The following BAZ2B variants were observed in gnomAD, a reference collection of about 807,000 sequenced individuals.
BAZ2B encodes bromodomain adjacent to zinc finger domain 2B, also known as bromodomain adjacent to zinc finger domain protein 2B.
A neutral mutation model predicts 246.0 loss-of-function variants in BAZ2B; 91 were observed. The observed-to-expected ratio is 0.37, with a 90% CI of 0.31 to 0.44. The LOEUF is 0.44. Ranked by LOEUF, BAZ2B falls within the 20% of genes least tolerant of loss-of-function variation. The probability of loss-of-function intolerance (pLI) is 1.00; values close to 1 mark genes in which losing one functional copy is unlikely to be tolerated. For missense variants in BAZ2B, 2,332 were observed against 2,533.7 expected, an observed-to-expected ratio of 0.92 and a Z score of 1.71; for synonymous variants, 855 against 860.0, an observed-to-expected ratio of 0.99 and a Z score of 0.10.
At chr2:159,701,680 T>C in the BAZ2B span, among the ~76,000 whole-genome samples, 2 of 148,110 alleles carry the variant, frequency 1.4e-5, no homozygotes, top group East Asian at 1.9e-4. Context: ...ATATTTTATA[T>C]TGTATTATAT....
rs1336495837 is a variant in BAZ2B at position 159,412,515 on chromosome 2, C to T, written c.2497G>A (p.Asp833Asn). The change falls in exon 14 of 37, where the codon GAT becomes AAT. Residue 833 changes from aspartate (D) to asparagine (N), a missense_variant. Asp to Asn is a conservative substitution (Grantham distance 23). Coordinates refer to ENST00000392783, the MANE Select transcript of BAZ2B (RefSeq NM_013450.4). ...GMQWCLLKEE[D>N]VIPRIRAMEG... is the part of the protein sequence containing the mutation. ...ATTGCCCTGATACGAGGAATGACATCCTCTTCTTTCAAAAGACACCACTGC... is the reference window on the plus strand; with the variant it reads ...ATTGCCCTGATACGAGGAATGACATTCTCTTCTTTCAAAAGACACCACTGC... 3 of 1,613,972 alleles carry T rather than the reference C, an allele frequency of 1.9e-6. No homozygotes were observed. The highest frequency in any genetic ancestry group is 2.5e-6 in the Non-Finnish European group (3 of 1,179,940).
At chr2:159,351,190 C>T (rs1370726262) in intron 27 of BAZ2B, among the ~76,000 whole-genome samples, 3 of 152,070 alleles carry the variant, frequency 2.0e-5, no homozygotes, top group Non-Finnish European at 2.9e-5. Context: ...TACATACACA[C>T]TTAAATCCAC....
intron 1 of BAZ2B, among the ~76,000 whole-genome samples, chr2:159,576,980 C>T (rs1357526025): frequency 6.6e-6 from 1 of 151,592 alleles, no homozygotes. Flanking sequence ...ATTCTCAGCC[C>T]TTTGGGAGAA....
At chr2:159,584,127 GT>G (rs34885086) in intron 1 of BAZ2B, among the ~76,000 whole-genome samples, 60,323 of 146,062 alleles carry the variant, frequency 0.41, 12,494 homozygotes, top group African/African-American at 0.51. Flanking sequence ...CTGATTTAGG[GT>G]TTTTTTTTTT....
chr2:159,621,566 A>C (rs2151860094), upstream of BAZ2B, among the ~76,000 whole-genome samples: 1 of 152,358 alleles, frequency 6.6e-6, no homozygotes, highest in Non-Finnish European at 1.5e-5. Flanking sequence ...CATGAATAAA[A>C]AACCAATAAA....
intron 13 of BAZ2B, among the ~76,000 whole-genome samples, chr2:159,426,219 A>C (rs2069832528): frequency 6.6e-6 from 1 of 152,202 alleles, no homozygotes; most frequent in Admixed American, 6.5e-5. Flanking sequence ...GTCAAGGAAC[A>C]TTCTACTCTG....
chr2:159,332,770 ATT>A (rs2064996800), intron 33 of BAZ2B, 84 bp from the exon 34 acceptor site: 3 of 1,442,752 alleles, frequency 2.1e-6, no homozygotes, highest in Admixed American at 3.8e-5. Flanking sequence ...ATAATTCCTA[ATT>A]TATATTAGTA....
the BAZ2B span, among the ~76,000 whole-genome samples, chr2:159,641,033 A>G: frequency 2.0e-5 from 3 of 152,166 alleles, no homozygotes; most frequent in African/African-American, 7.2e-5. Flanking sequence ...TCAGAGATGA[A>G]AAAGGAGACA....
At position 159,400,969 on chromosome 2, in the gene BAZ2B, A is replaced by G. The variant is rs559033452; in HGVS notation, c.2833-305T>C. Among the ~76,000 whole-genome samples the G allele has an allele frequency of 1.1e-4, 16 of 152,210 alleles. No individual in the cohort carries two copies. The East Asian group carries it at 1.2e-3, about 11-fold the overall frequency. Reference sequence around the variant, plus strand: ...TGAGGCAGGAGAATGGCGTGAACCCAGGAGGTGGAGCTTGCAGTCAGCCAA... The same window carrying G: ...TGAGGCAGGAGAATGGCGTGAACCCGGGAGGTGGAGCTTGCAGTCAGCCAA... On this transcript the variant is annotated intron_variant, in intron 16 of 36. Transcript: ENST00000392783.
intron 19 of BAZ2B, among the ~76,000 whole-genome samples, chr2:159,396,738 T>C (rs2149685833): frequency 6.6e-6 from 1 of 152,292 alleles, no homozygotes; most frequent in South Asian, 2.1e-4. Flanking sequence ...TCCCACTGTA[T>C]TCAATGGCAG....
chr2:159,572,091 T>C (rs888316988), intron 1 of BAZ2B, among the ~76,000 whole-genome samples: 3 of 152,194 alleles, frequency 2.0e-5, no homozygotes, highest in African/African-American at 7.2e-5. Context: ...TTTGTAGAGT[T>C]TCCAAGTTGG....
downstream of BAZ2B, among the ~76,000 whole-genome samples, chr2:159,318,164 C>CA (rs563858514): frequency 0.022 from 3,244 of 150,136 alleles, 61 homozygotes; most frequent in Middle Eastern, 0.058. Flanking sequence ...ATCTCTAAGG[C>CA]AAAAAAAAAT....
intron 2 of BAZ2B, among the ~76,000 whole-genome samples, chr2:159,480,327 T>C (rs2079092051): frequency 6.6e-6 from 1 of 152,118 alleles, no homozygotes; most frequent in South Asian, 2.1e-4. Flanking sequence ...CATAATAAGA[T>C]AAGCACTTTA....
chr2:159,644,243 T>A, the BAZ2B span, among the ~76,000 whole-genome samples: 1 of 152,204 alleles, frequency 6.6e-6, no homozygotes, highest in Admixed American at 6.5e-5. Context: ...GGGCTATGCA[T>A]AGGATAGACA....
At chr2:159,511,402 C>T (rs905602670) in intron 2 of BAZ2B, among the ~76,000 whole-genome samples, 2 of 152,222 alleles carry the variant, frequency 1.3e-5, no homozygotes, top group African/African-American at 2.4e-5. Context: ...GATGGGGTTT[C>T]ATCATGTTGG....
At chr2:159,509,920 C>A (rs2082739095) in intron 2 of BAZ2B, among the ~76,000 whole-genome samples, 1 of 150,534 alleles carries the variant, frequency 6.6e-6, no homozygotes, top group Admixed American at 6.6e-5. Flanking sequence ...TATAAATGTA[C>A]ATTTGTATGT....
chr2:159,587,636 A>G (rs191071836), intron 1 of BAZ2B, among the ~76,000 whole-genome samples: 2 of 152,322 alleles, frequency 1.3e-5, no homozygotes, highest in East Asian at 3.9e-4. Context: ...CTCAAAGTTT[A>G]ACAATCTGGT....
intron 26 of BAZ2B, among the ~76,000 whole-genome samples, chr2:159,374,076 CTT>C (rs68072307): frequency 1.4e-3 from 175 of 125,140 alleles, no homozygotes; most frequent in Non-Finnish European, 1.8e-3. Context: ...GTTTTTTTTT[CTT>C]TTTTTTTTTT....
chr2:159,642,688 A>C, the BAZ2B span, among the ~76,000 whole-genome samples: 1 of 152,370 alleles, frequency 6.6e-6, no homozygotes, highest in East Asian at 1.9e-4. Context: ...GTATGAAATA[A>C]TTTAAAACAT....
Sources: allele counts gnomAD v4.1 joint callset (sites outside exome capture counted in the v4.1 genomes callset), GRCh38; gene constraint gnomAD v4.1.1; transcripts MANE v1.5; gene names NCBI Gene and HGNC (gene_info 2026-07-23, HGNC 2026-07-21).